The following SEMA3C variants were observed in gnomAD, a reference collection of about 807,000 sequenced individuals.
The protein encoded by SEMA3C is semaphorin 3C.
SEMA3C carries 47 observed loss-of-function variants against 89.4 expected under a neutral mutation model. The ratio of observed to expected loss-of-function variants is 0.53; its 90% CI spans 0.42 to 0.67. SEMA3C has a LOEUF of 0.67. Ranked by LOEUF, SEMA3C falls within the 30% of genes least tolerant of loss-of-function variation. The pLI is 0.00. For missense variants in SEMA3C, 839 were observed against 929.1 expected (o/e 0.90, Z 1.26); for synonymous variants, 310 against 320.2 (o/e 0.97, Z 0.34).
intron 12 of SEMA3C, among the ~76,000 whole-genome samples, chr7:80,767,466 A>C (rs970377467): frequency 6.6e-6 from 1 of 152,212 alleles, no homozygotes; most frequent in African/African-American, 2.4e-5. Context: ...TTATGCATAT[A>C]ATCATGCCAC....
intron 2 of SEMA3C, among the ~76,000 whole-genome samples, chr7:80,885,428 C>A (rs1791451998): frequency 6.6e-6 from 1 of 151,906 alleles, no homozygotes; most frequent in Non-Finnish European, 1.5e-5. Context: ...ACCTGCCTAA[C>A]CAACATGACA....
chr7:80,749,689 T>A (rs1787881686), intron 16 of SEMA3C, among the ~76,000 whole-genome samples: 1 of 152,178 alleles, frequency 6.6e-6, no homozygotes, highest in Non-Finnish European at 1.5e-5. Flanking sequence ...CATTTTTACA[T>A]AGGTTTCTCA....
chr7:80,885,110 C>A (rs918886036), intron 2 of SEMA3C, among the ~76,000 whole-genome samples: 2 of 152,138 alleles, frequency 1.3e-5, no homozygotes, highest in African/African-American at 4.8e-5. Context: ...AAAGACAATT[C>A]TTATAATTAA....
At chr7:80,844,616 A>C (rs1790346065) in intron 2 of SEMA3C, among the ~76,000 whole-genome samples, 1 of 152,178 alleles carries the variant, frequency 6.6e-6, no homozygotes, top group Non-Finnish European at 1.5e-5. Context: ...TTGCTCAGAA[A>C]ATATTGACTG....
intron 2 of SEMA3C, among the ~76,000 whole-genome samples, chr7:80,874,758 G>A (rs973677095): frequency 6.6e-6 from 1 of 151,864 alleles, no homozygotes; most frequent in Non-Finnish European, 1.5e-5. Flanking sequence ...ATGAGCCAGC[G>A]CGTCAGGCCC....
intron 10 of SEMA3C, among the ~76,000 whole-genome samples, chr7:80,799,683 A>T (rs1789150954): frequency 6.6e-6 from 1 of 151,808 alleles, no homozygotes; most frequent in African/African-American, 2.4e-5. Flanking sequence ...CTCTACTAAA[A>T]ATAAATAAAT....
chr7:80,872,578 C>T (rs1024749541), intron 2 of SEMA3C, among the ~76,000 whole-genome samples: 5 of 151,710 alleles, frequency 3.3e-5, no homozygotes, highest in Non-Finnish European at 5.9e-5. Context: ...TCGAGGGGGG[C>T]GGATCATGAG....
chr7:80,780,014 C>T (rs1191988267), intron 12 of SEMA3C, among the ~76,000 whole-genome samples: 1 of 152,164 alleles, frequency 6.6e-6, no homozygotes, highest in African/African-American at 2.4e-5. Flanking sequence ...CTTTAAAAAA[C>T]AATGCAGCCT....
At chr7:80,900,922 G>A (rs1791864383) in intron 2 of SEMA3C, among the ~76,000 whole-genome samples, 1 of 152,206 alleles carries the variant, frequency 6.6e-6, no homozygotes, top group Non-Finnish European at 1.5e-5. Flanking sequence ...GTTTTAAGGT[G>A]TGCTCCTTAG....
chr7:80,869,308 C>A (rs112972164), intron 2 of SEMA3C, among the ~76,000 whole-genome samples: 1 of 152,140 alleles, frequency 6.6e-6, no homozygotes, highest in Admixed American at 6.5e-5. Flanking sequence ...CAAGGAAAAT[C>A]AGCATCTCAT....
chr7:80,914,685 A>G (rs894231183), intron 2 of SEMA3C, among the ~76,000 whole-genome samples: 3 of 152,214 alleles, frequency 2.0e-5, no homozygotes, highest in African/African-American at 7.2e-5. Context: ...ACCTGAGAAG[A>G]ACAAAATATC....
At chr7:80,841,518 C>A (rs1286710692) in intron 2 of SEMA3C, among the ~76,000 whole-genome samples, 2 of 152,148 alleles carry the variant, frequency 1.3e-5, no homozygotes, top group Non-Finnish European at 2.9e-5. Context: ...CTGCACTGCA[C>A]CTAATAAAAT....
chr7:80,775,538 G>A lies in SEMA3C; in HGVS notation c.1355-10295C>T, dbSNP rs1283565059. Among the ~76,000 whole-genome samples the A allele has an allele frequency of 3.3e-5, 5 of 151,840 alleles. No individual in the cohort carries two copies. The East Asian group carries it at 9.7e-4, about 29-fold the overall frequency. On this transcript the variant is annotated intron_variant, in intron 12 of 17. Coordinates refer to ENST00000265361, the MANE Select transcript of SEMA3C (RefSeq NM_006379.5). ...GAATTATATTCTATTTTTAATGCAG[G>A]CCCATTATCTTTTATCTACAAATCT...
chr7:80,902,551 T>A (rs1485042800), intron 2 of SEMA3C, among the ~76,000 whole-genome samples: 4 of 152,216 alleles, frequency 2.6e-5, no homozygotes, highest in Non-Finnish European at 4.4e-5. Context: ...AATATTAAAT[T>A]GATCACATAA....
chr7:80,824,241 A>G (rs1443180294), intron 4 of SEMA3C, among the ~76,000 whole-genome samples: 1 of 152,184 alleles, frequency 6.6e-6, no homozygotes, highest in Non-Finnish European at 1.5e-5. Flanking sequence ...CAGAGCTAAA[A>G]GCAGAAAGTT....
chr7:80,818,460 T>G (rs377048950), intron 4 of SEMA3C, 42 bp from the exon 5 acceptor site: 59 of 1,590,166 alleles, frequency 3.7e-5, no homozygotes, highest in Non-Finnish European at 4.8e-5. Context: ...CTCAATGACT[T>G]TCATTGTTAT....
At chr7:80,764,951 A>G (rs889839976) in intron 13 of SEMA3C, among the ~76,000 whole-genome samples, 1 of 152,248 alleles carries the variant, frequency 6.6e-6, no homozygotes, top group Non-Finnish European at 1.5e-5. Flanking sequence ...TTTTATCTTA[A>G]GATAACTTGA....
intron 2 of SEMA3C, among the ~76,000 whole-genome samples, chr7:80,886,308 C>T (rs146307750): frequency 6.6e-6 from 1 of 151,256 alleles, no homozygotes; most frequent in East Asian, 1.9e-4. Flanking sequence ...TATATCTGTG[C>T]ATTTATGAAA....
chr7:80,859,425 C>T (rs1011367020), intron 2 of SEMA3C, among the ~76,000 whole-genome samples: 4 of 152,060 alleles, frequency 2.6e-5, no homozygotes, highest in African/African-American at 9.7e-5. Flanking sequence ...ACCTGTTCTG[C>T]TCTATCATTT....
Sources: allele counts gnomAD v4.1 joint callset (sites outside exome capture counted in the v4.1 genomes callset), GRCh38; gene constraint gnomAD v4.1.1; transcripts MANE v1.5; gene names NCBI Gene and HGNC (gene_info 2026-07-23, HGNC 2026-07-21).